DLX2: variants seen among roughly 807,000 people sequenced by gnomAD.
DLX2 encodes distal-less homeobox 2, also known as homeobox protein DLX-2.
DLX2 carries 8 observed loss-of-function variants against 27.4 expected under a neutral mutation model. That is an observed-to-expected ratio of 0.29 (90% CI 0.17 to 0.53). The LOEUF (loss-of-function observed/expected upper bound fraction) is 0.53. Ranked by LOEUF, DLX2 falls within the 20% of genes least tolerant of loss-of-function variation. The pLI is 0.96. For synonymous variants in DLX2, 210 were observed against 200.8 expected, an observed-to-expected ratio of 1.05 and a Z score of -0.39; for missense variants, 421 against 450.9, an observed-to-expected ratio of 0.93 and a Z score of 0.60.
chr2:172,100,484 G>A lies in DLX2; in HGVS notation c.*59C>T, dbSNP rs1186818448. On this transcript the variant is annotated 3_prime_UTR_variant, in exon 3 of 3. Transcript: ENST00000234198. The surrounding 1 kb of genome is among the most constrained non-coding windows in gnomAD (Gnocchi z 4.5). ...GCCGGGAGGAGGGAACCCCGGCTCG[G>A]GGTAAGCAATGAGGATAAGTGGTCT... The A allele has an allele frequency of 1.4e-5, 20 of 1,476,754 alleles. No individual in the cohort carries two copies. Among genetic ancestry groups the A allele is most frequent in the Admixed American group, 2.5e-5 (1 of 39,702 alleles). 91.5% of individuals were successfully genotyped at this position (1,476,754 alleles called of 1,614,324 possible).
At chr2:172,101,692 G>T in intron 1 of DLX2, 46 bp from the exon 2 acceptor site, 2 of 1,590,738 alleles carry the variant, frequency 1.3e-6, no homozygotes, top group Non-Finnish European at 8.6e-7. Context: ...CAGGGGTCCT[G>T]GAGTTCCCGC....
chr2:172,100,451 G>C lies in DLX2; in HGVS notation c.*92C>G. Reference sequence around the variant, plus strand: ...GCAGCCTGCAGGAGAGGTGGGTGGCGGCAGCGGGCCGGGAGGAGGGAACCC... The same window carrying C: ...GCAGCCTGCAGGAGAGGTGGGTGGCCGCAGCGGGCCGGGAGGAGGGAACCC... On this transcript the variant is annotated 3_prime_UTR_variant, in exon 3 of 3. Transcript: ENST00000234198. This position sits in a 1 kb window ranked among gnomAD's most constrained non-coding sequence, Gnocchi z 4.5. 2 of 1,380,908 alleles carry C rather than the reference G, an allele frequency of 1.4e-6. No homozygotes were observed. Among genetic ancestry groups the C allele is most frequent in the Non-Finnish European group, 9.6e-7 (1 of 1,038,476 alleles). The allele number at this position is 1,380,908 out of a possible 1,614,324, so 85.5% of individuals were successfully genotyped here.
Position 172,102,697 on chromosome 2 carries a change from G to GGA in DLX2, c.-160_-159insTC. 3.8e-5 allele frequency: 26 copies of GGA among 684,592 alleles called. No individual in the cohort carries two copies. Among genetic ancestry groups the GGA allele is most frequent in the Non-Finnish European group, 5.5e-5 (23 of 420,766 alleles). The allele number at this position is 684,592 out of a possible 1,614,324, so 42.4% of individuals were successfully genotyped here. Reference sequence around the variant, plus strand: ...ACCGTCTAGGCGCCTCCTCCTCCGGGGGAGGCGATCACCGTGCGCTGCTCG... The same window carrying GGA: ...ACCGTCTAGGCGCCTCCTCCTCCGGGGAGGAGGCGATCACCGTGCGCTGCTCG... On this transcript the variant is annotated 5_prime_UTR_variant, in exon 1 of 3. Coordinates refer to ENST00000234198, the MANE Select transcript of DLX2 (RefSeq NM_004405.4).
rs1160443011 is a variant in DLX2, at chr2:172,099,692, T to G, written c.*851A>C. ...ACAACTGGGGGTTTACAAAAAAGTC[T>G]GAAAAGATGAGTATTTTTATACAAA... On this transcript the variant is annotated 3_prime_UTR_variant, in exon 3 of 3. Transcript: ENST00000234198. 1 of 152,620 alleles carries G rather than the reference T, an allele frequency of 6.6e-6. No individual in the cohort carries two copies. Among genetic ancestry groups the G allele is most frequent in the African/African-American group, 2.4e-5 (1 of 41,456 alleles). 9.5% of individuals were successfully genotyped at this position (152,620 alleles called of 1,614,324 possible).
chr2:172,102,135 A>G lies in DLX2; in HGVS notation c.400+4T>C. The G allele has an allele frequency of 5.0e-6, 8 of 1,612,732 alleles. No individual in the cohort carries two copies. Among genetic ancestry groups the G allele is most frequent in the Middle Eastern group, 1.7e-4 (1 of 6,056 alleles). ...GGCACTCTTGACTTCAGCGTTATGC[A>G]TACCAGGCTCGTTGTTGGCTGGGGA... On this transcript the variant is annotated splice_donor_region_variant and intron_variant, in intron 1 of 2. Transcript: ENST00000234198.
Position 172,102,588 on chromosome 2 carries a change from C to T in DLX2, c.-50G>A, listed in dbSNP as rs1167847195. 2 of 1,457,962 alleles carry T rather than the reference C, an allele frequency of 1.4e-6. No homozygotes were observed. The highest frequency in any genetic ancestry group is 1.4e-5 in the South Asian group (1 of 69,586). 90.3% of individuals were successfully genotyped at this position (1,457,962 alleles called of 1,614,324 possible). On this transcript the variant is annotated 5_prime_UTR_variant, in exon 1 of 3. Transcript: ENST00000234198. ...GAGGTGGCGGGCGTGCGGGGGAAGCCAGGCGCCTCCTCTGTCTCTCCCGGT... is the reference window on the plus strand; with the variant it reads ...GAGGTGGCGGGCGTGCGGGGGAAGCTAGGCGCCTCCTCTGTCTCTCCCGGT...
At position 172,101,702 on chromosome 2, in the gene DLX2, C is replaced by T. The variant is rs568842513; in HGVS notation, c.401-56G>A. 3.8e-6 allele frequency: 6 copies of T among 1,570,394 alleles called. No individual in the cohort carries two copies. The African/African-American group carries it at 8.1e-5, about 21-fold the overall frequency. On this transcript the variant is annotated intron_variant, in intron 1 of 2. Coordinates refer to ENST00000234198, the MANE Select transcript of DLX2 (RefSeq NM_004405.4). ...CAACCCAGGGGTCCTGGAGTTCCCG[C>T]CCTCCTAGAGGGCCCGGCGGGGGGG...
intron 1 of DLX2, 84 bp from the exon 2 acceptor site, chr2:172,101,730 T>C (rs533767410): frequency 1.4e-6 from 2 of 1,448,696 alleles, no homozygotes; most frequent in South Asian, 2.6e-5. Flanking sequence ...CGGGGGGGAC[T>C]TGGCTTGAGC....
In DLX2 at chr2:172,102,181, C is replaced by T. The variant is rs1691170892; in HGVS notation, c.358G>A (p.Ala120Thr). Residue 120 changes from alanine (A) to threonine (T), a missense_variant, in exon 1 of 3, where the codon GCT becomes ACT. Physicochemically the swap from Ala to Thr is moderately conservative, Grantham distance 58. This residue lies in a region of DLX2 where 141 missense variants were observed against 123.5 expected (regional missense o/e 1.14). Coordinates refer to ENST00000234198, the MANE Select transcript of DLX2 (RefSeq NM_004405.4). ...GGGGACGAACTGGTTCCATAGGGAG[C>T]GTAGGAGGTGTAGGCGGCGGTGTAG... ...LGYTAAYTSYAPYGTSSSPAN... is the reference protein window; with the variant it reads ...LGYTAAYTSYTPYGTSSSPAN... 6.2e-7 allele frequency: 1 copy of T among 1,614,020 alleles called. No individual in the cohort carries two copies. The highest frequency in any genetic ancestry group is 1.3e-5 in the African/African-American group (1 of 75,048).
chr2:172,101,678 A>G, intron 1 of DLX2, 32 bp from the exon 2 acceptor site: 1 of 1,606,984 alleles, frequency 6.2e-7, no homozygotes, highest in Non-Finnish European at 8.5e-7. Context: ...AGAACAGCGC[A>G]ACCCAGGGGT....
Position 172,101,564 on chromosome 2 carries a change from A to G in DLX2, c.483T>C (p.Ser161=). The G allele has an allele frequency of 6.2e-7, 1 of 1,614,244 alleles. No individual in the cohort carries two copies. The highest frequency in any genetic ancestry group is 1.1e-5 in the South Asian group (1 of 91,088). The part of the protein sequence containing the change: ...KVRKPRTIYS[S]FQLAALQRRF... ...GCCGCTGAAGAGCCGCCAGCTGGAA[A>G]CTGGAGTAGATGGTGCGGGGTTTCC... The change falls in exon 2 of 3, where the codon AGT becomes AGC. Residue 161 remains serine (S), a synonymous_variant. Transcript: ENST00000234198.
At position 172,102,808 on chromosome 2, in the gene DLX2, G is replaced by A. The variant is rs1224394210; in HGVS notation, c.-270C>T. The A allele has an allele frequency of 1.1e-5, 5 of 443,466 alleles. No homozygotes were observed. In the East Asian group the frequency reaches 1.6e-4, roughly 14 times the overall value. The allele number at this position is 443,466 out of a possible 1,614,324, so 27.5% of individuals were successfully genotyped here. On this transcript the variant is annotated 5_prime_UTR_variant, in exon 1 of 3. Transcript: ENST00000234198. ...GCGCGAGCGCGGGCTCTGGCGGGGGGCGGGCAGTGGAGGGGGCAGGGGTGG... is the reference window on the plus strand; with the variant it reads ...GCGCGAGCGCGGGCTCTGGCGGGGGACGGGCAGTGGAGGGGGCAGGGGTGG...
At position 172,100,438 on chromosome 2, in the gene DLX2, A is replaced by T. The variant is rs900621100; in HGVS notation, c.*105T>A. 7.8e-7 allele frequency: 1 copy of T among 1,285,562 alleles called. No homozygotes were observed. Among genetic ancestry groups the T allele is most frequent in the Non-Finnish European group, 1.0e-6 (1 of 957,208 alleles). The allele number at this position is 1,285,562 out of a possible 1,614,324, so 79.6% of individuals were successfully genotyped here. On this transcript the variant is annotated 3_prime_UTR_variant, in exon 3 of 3. Coordinates refer to ENST00000234198, the MANE Select transcript of DLX2 (RefSeq NM_004405.4). This position sits in a 1 kb window ranked among gnomAD's most constrained non-coding sequence, Gnocchi z 4.5. ...GCCACTGCAGGTCGCAGCCTGCAGGAGAGGTGGGTGGCGGCAGCGGGCCGG... is the reference window on the plus strand; with the variant it reads ...GCCACTGCAGGTCGCAGCCTGCAGGTGAGGTGGGTGGCGGCAGCGGGCCGG...
At chr2:172,101,420 C>G in intron 2 of DLX2, 42 bp downstream of exon 2, 2 of 1,554,594 alleles carry the variant, frequency 1.3e-6, no homozygotes, top group Non-Finnish European at 1.7e-6. Context: ...CCAGCCATCT[C>G]AGGCCCGCGC....
At chr2:172,102,057 G>A (rs923350622) in intron 1 of DLX2, 82 bp downstream of exon 1, 2 of 1,532,164 alleles carry the variant, frequency 1.3e-6, no homozygotes, top group East Asian at 2.3e-5. Flanking sequence ...AGCTTTCGAA[G>A]GCCCCCCGCC....
Position 172,100,607 on chromosome 2 carries a change from G to A in DLX2, c.923C>T (p.Pro308Leu), listed in dbSNP as rs766546280. Reference sequence around the variant, plus strand: ...GCCGTGATGGTGGTGGTGGTGATGCGGCTGCGGGGTCTGAGTGGGGTGCAG... The same window carrying A: ...GCCGTGATGGTGGTGGTGGTGATGCAGCTGCGGGGTCTGAGTGGGGTGCAG... ...PLLHPTQTPQ[P>L]HHHHHHHGGG... The change falls in exon 3 of 3, where the codon CCG becomes CTG. Residue 308 changes from proline (P) to leucine (L), a missense_variant. By Grantham distance (98) the Pro-to-Leu change is moderately conservative. This residue lies in a region of DLX2 where 185 missense variants were observed against 171.1 expected (regional missense o/e 1.08). Transcript: ENST00000234198. The surrounding 1 kb of genome is among the most constrained non-coding windows in gnomAD (Gnocchi z 4.5). The A allele has an allele frequency of 4.5e-6, 7 of 1,572,556 alleles. No individual in the cohort carries two copies. Among genetic ancestry groups the A allele is most frequent in the South Asian group, 1.2e-5 (1 of 85,924 alleles).
At chr2:172,101,116 T>C in intron 2 of DLX2, 172 bp from the exon 3 acceptor site, 1 of 708,602 alleles carries the variant, frequency 1.4e-6, no homozygotes, top group Non-Finnish European at 2.3e-6. Context: ...TGCCGGTTCC[T>C]GCTCCCTGGG....
Position 172,102,204 on chromosome 2 carries a change from T to A in DLX2, c.335A>T (p.Tyr112Phe), listed in dbSNP as rs1293992646. Residue 112 changes from tyrosine to phenylalanine, a missense_variant, in exon 1 of 3, where the codon TAC (tyrosine) becomes TTC (phenylalanine). By Grantham distance (22) the Tyr-to-Phe change is conservative (BLOSUM62 3). Coordinates refer to ENST00000234198, the MANE Select transcript of DLX2 (RefSeq NM_004405.4). ...AGCGTAGGAGGTGTAGGCGGCGGTG[T>A]AGCCCAGGTCATAGCTGCTCTTGGC... ...YSAKSSYDLG[Y>F]TAAYTSYAPY... 1 of 1,612,144 alleles carries A rather than the reference T, an allele frequency of 6.2e-7. No individual in the cohort carries two copies. Among genetic ancestry groups the A allele is most frequent in the Non-Finnish European group, 8.5e-7 (1 of 1,179,202 alleles).
intron 2 of DLX2, 178 bp from the exon 3 acceptor site, chr2:172,101,122 C>G (rs1691149208): frequency 2.9e-6 from 2 of 687,524 alleles, no homozygotes; most frequent in African/African-American, 3.6e-5. Flanking sequence ...TTCCTGCTCC[C>G]TGGGGAGGTA....
Sources: gnomAD v4.1 joint callset for allele counts on GRCh38, gnomAD v4.1.1 for gene constraint, gnomAD v4.1.1 regional missense constraint, Gnocchi (gnomAD v3.1) non-coding constraint, MANE v1.5 for transcripts, NCBI Gene and HGNC (gene_info 2026-07-23, HGNC 2026-07-21) for gene names.